Variants in PRELID2 observed in about 807,000 individuals in gnomAD.
The protein encoded by PRELID2 is PRELI domain-containing protein 2.
A neutral mutation model predicts 28.4 loss-of-function variants in PRELID2; 25 were observed. That is an observed-to-expected ratio of 0.88 (90% CI 0.64 to 1.23). The LOEUF (loss-of-function observed/expected upper bound fraction) is 1.23, where lower values mean the gene tolerates loss of function less well. Ranked by LOEUF, PRELID2 falls within the 50% of genes most tolerant of loss-of-function variation. The probability of loss-of-function intolerance (pLI) is 0.00; values close to 1 mark genes in which losing one functional copy is unlikely to be tolerated. For missense variants in PRELID2, 201 were observed against 214.4 expected, an observed-to-expected ratio of 0.94 and a Z score of 0.39; for synonymous variants, 76 against 71.6, an observed-to-expected ratio of 1.06 and a Z score of -0.31.
the PRELID2 span, among the ~76,000 whole-genome samples, chr5:145,450,147 G>A: frequency 6.6e-5 from 10 of 152,194 alleles, no homozygotes; most frequent in South Asian, 2.1e-4. Context: ...AAATACAGTC[G>A]TCAATCAAAA....
the PRELID2 span, among the ~76,000 whole-genome samples, chr5:145,334,926 T>G: frequency 6.6e-6 from 1 of 152,178 alleles, no homozygotes; most frequent in African/African-American, 2.4e-5. Flanking sequence ...CTTTTTCTTT[T>G]GAAAACTTGG....
the PRELID2 span, among the ~76,000 whole-genome samples, chr5:145,385,009 G>A: frequency 6.6e-6 from 1 of 152,232 alleles, no homozygotes; most frequent in Admixed American, 6.5e-5. Context: ...CAGAACAGTA[G>A]TTTCTGATGA....
At chr5:145,363,414 A>G in the PRELID2 span, among the ~76,000 whole-genome samples, 102,249 of 151,814 alleles carry the variant, frequency 0.67, 34,627 homozygotes, top group East Asian at 0.89. Context: ...TCCTGTGACA[A>G]GTACTGAGGG....
chr5:145,798,899 G>A (rs1280123532), intron 4 of PRELID2, among the ~76,000 whole-genome samples: 1 of 152,124 alleles, frequency 6.6e-6, no homozygotes, highest in African/African-American at 2.4e-5. Flanking sequence ...GGGAGGGATA[G>A]CATTAGGAGA....
the PRELID2 span, among the ~76,000 whole-genome samples, chr5:145,388,272 G>A: frequency 1.3e-5 from 2 of 152,116 alleles, no homozygotes; most frequent in African/African-American, 4.8e-5. Context: ...AGCATTTTAA[G>A]TATTTTTAAA....
intron 1 of PRELID2, among the ~76,000 whole-genome samples, chr5:145,824,219 C>T (rs59502278): frequency 0.15 from 22,190 of 152,058 alleles, 1,813 homozygotes; most frequent in East Asian, 0.21. Flanking sequence ...GGTTTACCGA[C>T]GTATCATGTG....
At chr5:145,440,509 C>G in the PRELID2 span, among the ~76,000 whole-genome samples, 1 of 152,078 alleles carries the variant, frequency 6.6e-6, no homozygotes, top group Non-Finnish European at 1.5e-5. Flanking sequence ...TGGTTTTTAA[C>G]AAGGTTTGAT....
intron 1 of PRELID2, among the ~76,000 whole-genome samples, chr5:145,642,719 C>T (rs1033902026): frequency 6.6e-6 from 1 of 152,190 alleles, no homozygotes; most frequent in Non-Finnish European, 1.5e-5. Context: ...GGTCCAGTTT[C>T]AGTTTTCTGC....
At chr5:145,629,137 G>T (rs971583355) in intron 1 of PRELID2, among the ~76,000 whole-genome samples, 3 of 152,162 alleles carry the variant, frequency 2.0e-5, no homozygotes, top group African/African-American at 7.2e-5. Flanking sequence ...ATAGACAAGG[G>T]GAGCTTAGGA....
At position 145,759,261 on chromosome 5, in the gene PRELID2, A is replaced by C. The variant is rs1303708964; in HGVS notation, c.*1275T>G. 2 of 152,092 alleles carry C rather than the reference A, an allele frequency of 1.3e-5. No individual in the cohort carries two copies. Among genetic ancestry groups the C allele is most frequent in the Non-Finnish European group, 2.9e-5 (2 of 68,024 alleles). The allele number at this position is 152,092 out of a possible 1,614,324, so 9.4% of individuals were successfully genotyped here. A position where few individuals can be genotyped will look rare whatever the true frequency, so the allele number is the denominator to read the frequency against. On this transcript the variant is annotated 3_prime_UTR_variant, in exon 7 of 7. Coordinates refer to ENST00000683046, the MANE Select transcript of PRELID2 (RefSeq NM_205846.3). Reference sequence around the variant, plus strand: ...TGTGATCCACCCGCCTCGGCCTCCCAAAGTACTGGGATTACAGGCATAAGC... The same window carrying C: ...TGTGATCCACCCGCCTCGGCCTCCCCAAGTACTGGGATTACAGGCATAAGC...
chr5:145,461,736 A>T, the PRELID2 span, among the ~76,000 whole-genome samples: 2 of 152,248 alleles, frequency 1.3e-5, no homozygotes, highest in Non-Finnish European at 2.9e-5. Context: ...TCATTAAAAG[A>T]TGGAGAAATA....
chr5:145,319,894 C>T, the PRELID2 span, among the ~76,000 whole-genome samples: 3 of 152,192 alleles, frequency 2.0e-5, no homozygotes, highest in African/African-American at 7.2e-5. Flanking sequence ...TTGTTTATCA[C>T]CTCTGCAAAT....
intron 1 of PRELID2, among the ~76,000 whole-genome samples, chr5:145,832,171 G>GT (rs1030308994): frequency 6.6e-6 from 1 of 152,066 alleles, no homozygotes; most frequent in African/African-American, 2.4e-5. Context: ...GCACAGCCAA[G>GT]TTTTTTGGGT....
intron 1 of PRELID2, among the ~76,000 whole-genome samples, chr5:145,828,577 G>A (rs1755360473): frequency 6.6e-6 from 1 of 152,182 alleles, no homozygotes; most frequent in Non-Finnish European, 1.5e-5. Flanking sequence ...TAGCATTAGG[G>A]AAAGGGCTGC....
At chr5:145,588,266 C>G (rs1433172057) in intron 1 of PRELID2, among the ~76,000 whole-genome samples, 1 of 151,998 alleles carries the variant, frequency 6.6e-6, no homozygotes, top group Non-Finnish European at 1.5e-5. Flanking sequence ...GTAAGGACAC[C>G]AAAGCTTAGA....
At chr5:145,433,301 G>C in the PRELID2 span, among the ~76,000 whole-genome samples, 2 of 152,160 alleles carry the variant, frequency 1.3e-5, no homozygotes, top group Admixed American at 6.5e-5. Flanking sequence ...GAGTATGTGA[G>C]GGTGAGGTGC....
the PRELID2 span, among the ~76,000 whole-genome samples, chr5:145,279,050 C>T: frequency 1.3e-5 from 2 of 152,138 alleles, no homozygotes; most frequent in African/African-American, 2.4e-5. Flanking sequence ...AACAATAACT[C>T]TGGCACCACT....
chr5:145,636,463 A>C (rs940180667), intron 1 of PRELID2, among the ~76,000 whole-genome samples: 10 of 152,182 alleles, frequency 6.6e-5, no homozygotes, highest in African/African-American at 2.4e-4. Flanking sequence ...CATCAACCCA[A>C]ATAACTTCTC....
At chr5:145,460,499 A>G in the PRELID2 span, among the ~76,000 whole-genome samples, 1 of 152,172 alleles carries the variant, frequency 6.6e-6, no homozygotes, top group Non-Finnish European at 1.5e-5. Context: ...TTTTCCTAAC[A>G]TACTCTACCC....
Sources: gnomAD v4.1 joint callset for allele counts (sites outside exome capture counted in the v4.1 genomes callset) on GRCh38, gnomAD v4.1.1 for gene constraint, MANE v1.5 for transcripts, NCBI Gene and HGNC (gene_info 2026-07-23, HGNC 2026-07-21) for gene names.